Variants in SEC24B observed in about 807,000 individuals in gnomAD.
SEC24B encodes the protein protein transport protein Sec24B.
In SEC24B, 45 loss-of-function variants were observed where a neutral mutation model predicts 142.8. The ratio of observed to expected loss-of-function variants is 0.32; its 90% confidence interval spans 0.25 to 0.40. The LOEUF is 0.40. SEC24B is among the 10% of genes least tolerant of loss of function. The pLI, the probability that SEC24B is intolerant of heterozygous loss-of-function variation, is 1.00. For synonymous variants in SEC24B, 574 were observed against 568.2 expected, an observed-to-expected ratio of 1.01 and a Z score of -0.15; for missense variants, 1,409 against 1,526.8, an observed-to-expected ratio of 0.92 and a Z score of 1.29.
chr4:109,491,237 C>A (rs919470159), intron 4 of SEC24B, 90 bp from the exon 5 acceptor site: 8 of 951,146 alleles, frequency 8.4e-6, no homozygotes, highest in Non-Finnish European at 1.3e-5. Context: ...TTTCCTAGTT[C>A]CGCAAAAACA....
intron 6 of SEC24B, among the ~76,000 whole-genome samples, chr4:109,505,539 T>TC (rs1554006060): frequency 6.6e-6 from 1 of 152,166 alleles, no homozygotes; most frequent in African/African-American, 2.4e-5. Context: ...CAACGTGGAC[T>TC]CATTATTTGC....
At position 109,492,174 on chromosome 4, in the gene SEC24B, T is replaced by C. The variant is rs558446075; in HGVS notation, c.1246+767T>C. Reference sequence around the variant, plus strand: ...ACTTAAAAAAAAAAAAAACCCATGCTATCTTGCTATCACTATTCTATGAAT... The same window carrying C: ...ACTTAAAAAAAAAAAAAACCCATGCCATCTTGCTATCACTATTCTATGAAT... On this transcript the variant is annotated intron_variant, in intron 5 of 23. Coordinates refer to ENST00000265175, the MANE Select transcript of SEC24B (RefSeq NM_006323.5). Among the ~76,000 whole-genome samples the C allele has an allele frequency of 5.9e-5, 9 of 151,968 alleles. No individual in the cohort carries two copies. The South Asian group carries it at 1.5e-3, about 25-fold the overall frequency.
rs1228588989 is a variant in SEC24B, at chr4:109,532,679, C to G, written c.3431C>G (p.Pro1144Arg). The part of the protein sequence containing the change: ...HVNDRIVPQP[P>R]LQKLSAEKLT... Reference sequence around the variant, plus strand: ...AATGACAGGATTGTACCACAGCCACCTCTTCAAAAATTGTCTGCAGAGAAG... The same window carrying G: ...AATGACAGGATTGTACCACAGCCACGTCTTCAAAAATTGTCTGCAGAGAAG... Residue 1144 changes from proline (P) to arginine (R), a missense_variant, in exon 21 of 24, where the codon CCT (proline) becomes CGT (arginine). Pro to Arg is a moderately radical substitution (Grantham distance 103). Around this residue, in one of 2 missense-constraint regions of SEC24B, gnomAD observed 700 missense variants for 853.3 expected, o/e 0.82. Transcript: ENST00000265175. The G allele has an allele frequency of 6.2e-7, 1 of 1,613,690 alleles. No individual in the cohort carries two copies. Among genetic ancestry groups the G allele is most frequent in the Non-Finnish European group, 8.5e-7 (1 of 1,179,636 alleles).
At chr4:109,508,136 T>C (rs1409822148) in intron 7 of SEC24B, among the ~76,000 whole-genome samples, 1 of 152,112 alleles carries the variant, frequency 6.6e-6, no homozygotes, top group African/African-American at 2.4e-5. Flanking sequence ...ATTGTTTCCG[T>C]AAAAATACAG....
At chr4:109,509,980 A>G (rs776046311) in intron 7 of SEC24B, 29 bp from the exon 8 acceptor site, 2 of 1,377,088 alleles carry the variant, frequency 1.5e-6, no homozygotes, top group South Asian at 2.5e-5. Context: ...GATAGCTAAT[A>G]TCCTCCATGT....
chr4:109,524,795 T>C, intron 14 of SEC24B, 23 bp from the exon 15 acceptor site: 1 of 1,591,322 alleles, frequency 6.3e-7, no homozygotes, highest in Non-Finnish European at 8.5e-7. Context: ...TGCTAGCTCT[T>C]ACTATATGAT....
chr4:109,514,880 C>G (rs911734253), intron 10 of SEC24B, among the ~76,000 whole-genome samples: 1 of 152,076 alleles, frequency 6.6e-6, no homozygotes, highest in Non-Finnish European at 1.5e-5. Flanking sequence ...TTGGCATATG[C>G]CCACCTAACT....
chr4:109,532,209 C>A (rs918397675), intron 20 of SEC24B, among the ~76,000 whole-genome samples: 2 of 152,068 alleles, frequency 1.3e-5, no homozygotes, highest in South Asian at 4.1e-4. Flanking sequence ...TATAGTAAAC[C>A]AAATCTGGTA....
At chr4:109,434,644 C>A (rs962068330) in intron 1 of SEC24B, among the ~76,000 whole-genome samples, 1 of 152,216 alleles carries the variant, frequency 6.6e-6, no homozygotes. Flanking sequence ...ACTGTCATTG[C>A]CGCTGCGGCT....
intron 6 of SEC24B, among the ~76,000 whole-genome samples, chr4:109,495,169 A>C (rs1339124701): frequency 6.6e-6 from 1 of 152,142 alleles, no homozygotes; most frequent in Admixed American, 6.6e-5. Flanking sequence ...ATAATCAGAA[A>C]ATTTAAGTAA....
In SEC24B at chr4:109,533,589, T is replaced by G. The variant is rs1725167779; in HGVS notation, c.3496-4T>G. The G allele has an allele frequency of 6.3e-7, 1 of 1,598,168 alleles. No homozygotes were observed. Among genetic ancestry groups the G allele is most frequent in the East Asian group, 2.2e-5 (1 of 44,680 alleles). ...TTTAATATTTTGTTGCTTTTTCTTT[T>G]TAGGTTTTTTACATTTGGGTTGGGA... On this transcript the variant is annotated splice_region_variant and splice_polypyrimidine_tract_variant and intron_variant, in intron 21 of 23. Transcript: ENST00000265175.
At chr4:109,442,891 T>A (rs934945092) in intron 1 of SEC24B, among the ~76,000 whole-genome samples, 1 of 152,242 alleles carries the variant, frequency 6.6e-6, no homozygotes, top group Middle Eastern at 3.2e-3. Flanking sequence ...TTGCACATTT[T>A]TACTAGGTTT....
intron 1 of SEC24B, chr4:109,450,671 A>AC (rs1304901708): frequency 6.6e-6 from 1 of 151,750 alleles, no homozygotes; most frequent in African/African-American, 2.4e-5. Flanking sequence ...AAAAAAAAAA[A>AC]AAAATTTACT....
Position 109,521,538 on chromosome 4 carries a change from G to T in SEC24B, c.2420G>T (p.Arg807Leu). The T allele has an allele frequency of 6.2e-7, 1 of 1,613,918 alleles. No individual in the cohort carries two copies. Among genetic ancestry groups the T allele is most frequent in the Non-Finnish European group, 8.5e-7 (1 of 1,179,822 alleles). Reference sequence around the variant, plus strand: ...AAATTAATGTCTCCAACAGGTGGCCGTGTGTCTGTATTTCAGACACAGTTA... The same window carrying T: ...AAATTAATGTCTCCAACAGGTGGCCTTGTGTCTGTATTTCAGACACAGTTA... The part of the protein sequence containing the change: ...AFKLMSPTGG[R>L]VSVFQTQLPS... The change falls in exon 14 of 24, where the codon CGT becomes CTT. Residue 807 changes from arginine (R) to leucine (L), a missense_variant. Around this residue, in one of 2 missense-constraint regions of SEC24B, gnomAD observed 700 missense variants for 853.3 expected, o/e 0.82. Coordinates refer to ENST00000265175, the MANE Select transcript of SEC24B (RefSeq NM_006323.5).
intron 2 of SEC24B, among the ~76,000 whole-genome samples, chr4:109,469,842 A>G (rs981767834): frequency 6.6e-6 from 1 of 152,206 alleles, no homozygotes; most frequent in African/African-American, 2.4e-5. Flanking sequence ...GACAACATGA[A>G]AAAAAGAAAA....
At chr4:109,488,504 C>A (rs962781243) in intron 4 of SEC24B, among the ~76,000 whole-genome samples, 5 of 152,022 alleles carry the variant, frequency 3.3e-5, no homozygotes, top group African/African-American at 7.2e-5. Flanking sequence ...TTTATTTATC[C>A]ATTCATGAGT....
chr4:109,454,418 A>G (rs915371310), intron 1 of SEC24B, among the ~76,000 whole-genome samples: 1 of 151,878 alleles, frequency 6.6e-6, no homozygotes, highest in Admixed American at 6.6e-5. Flanking sequence ...GGGTGCCTGT[A>G]TTCCCAACTA....
At chr4:109,434,657 T>C (rs1307134229) in intron 1 of SEC24B, among the ~76,000 whole-genome samples, 3 of 152,242 alleles carry the variant, frequency 2.0e-5, no homozygotes, top group African/African-American at 7.2e-5. Flanking sequence ...CTGCGGCTGC[T>C]GCTCAAGCTT....
intron 2 of SEC24B, among the ~76,000 whole-genome samples, chr4:109,467,899 TAA>T (rs894358063): frequency 5.9e-5 from 9 of 152,160 alleles, no homozygotes; most frequent in African/African-American, 2.2e-4. Flanking sequence ...GTAAAAATAA[TAA>T]GTGTTTATAT....
Sources: gnomAD v4.1 joint callset for allele counts (sites outside exome capture counted in the v4.1 genomes callset) on GRCh38, gnomAD v4.1.1 for gene constraint, gnomAD v4.1.1 regional missense constraint, MANE v1.5 for transcripts, NCBI Gene and HGNC (gene_info 2026-07-23, HGNC 2026-07-21) for gene names.